NOL4L: variants seen among roughly 807,000 people sequenced by gnomAD.
The protein encoded by NOL4L is nucleolar protein 4 like.
In NOL4L, 7 loss-of-function variants were observed where a neutral mutation model predicts 64.5. That is an observed-to-expected ratio of 0.11 (90% CI 0.06 to 0.20). NOL4L has a LOEUF of 0.20. Among genes scored for constraint, NOL4L ranks in the 10% least tolerant of loss-of-function variants. The pLI is 1.00. For missense variants in NOL4L, 680 were observed against 967.1 expected (o/e 0.70, Z 3.94); for synonymous variants, 413 against 401.0 (o/e 1.03, Z -0.36).
intron 1 of NOL4L, among the ~76,000 whole-genome samples, chr20:32,563,336 G>A (rs1256848244): frequency 6.6e-6 from 1 of 150,556 alleles, no homozygotes; most frequent in East Asian, 2.0e-4. Context: ...GAGGGAGGGA[G>A]CGAGCCTCAC....
Position 32,447,067 on chromosome 20 carries a change from T to C in NOL4L, c.*529A>G. The C allele has an allele frequency of 2.6e-6, 1 of 378,674 alleles. No individual in the cohort carries two copies. The highest frequency in any genetic ancestry group is 2.0e-5 in the South Asian group (1 of 50,616). 23.5% of individuals were successfully genotyped at this position (378,674 alleles called of 1,614,324 possible). ...CTGGCCCCAGCCCACATCAGTGTAG[T>C]GATATGGAATGTTAGGTATGGGGAT... On this transcript the variant is annotated 3_prime_UTR_variant, in exon 11 of 11. Coordinates refer to ENST00000621426, the MANE Select transcript of NOL4L (RefSeq NM_001256798.2).
At chr20:32,573,389 A>G (rs1457849309) in intron 1 of NOL4L, among the ~76,000 whole-genome samples, 1 of 151,972 alleles carries the variant, frequency 6.6e-6, no homozygotes, top group Non-Finnish European at 1.5e-5. Context: ...CATTCAGCTC[A>G]TGAGTCACAG....
At chr20:32,520,438 C>G (rs1436355167) in intron 3 of NOL4L, among the ~76,000 whole-genome samples, 1 of 152,100 alleles carries the variant, frequency 6.6e-6, no homozygotes, top group Non-Finnish European at 1.5e-5. Context: ...AGGGAGGGTA[C>G]AGGCCAGACC....
intron 2 of NOL4L, among the ~76,000 whole-genome samples, chr20:32,523,201 T>C (rs7273033): frequency 3.2e-4 from 48 of 152,118 alleles, no homozygotes; most frequent in African/African-American, 1.1e-3. Context: ...CTGGGTCCCA[T>C]TGATGGGTGG....
intron 4 of NOL4L, among the ~76,000 whole-genome samples, chr20:32,481,112 A>G (rs1275029525): frequency 1.3e-5 from 2 of 152,138 alleles, no homozygotes; most frequent in Admixed American, 6.5e-5. Context: ...TCCCATCTAC[A>G]TGTGGTCCTC....
rs184688898 is a variant in NOL4L, at chr20:32,509,854, C to G, written c.699+1493G>C. ...GGGGCTGTGCTTCCGGCTGTTTGTG[C>G]GGTTTTGTGCTTCATTCTTCATGGG... On this transcript the variant is annotated intron_variant, in intron 4 of 10. Coordinates refer to ENST00000621426, the MANE Select transcript of NOL4L (RefSeq NM_001256798.2). 6.1e-6 allele frequency: 8 copies of G among 1,304,178 alleles called. No individual in the cohort carries two copies. In the South Asian group the frequency reaches 9.9e-5, roughly 16 times the overall value. The allele number at this position is 1,304,178 out of a possible 1,614,324, so 80.8% of individuals were successfully genotyped here.
chr20:32,545,950 C>CTTTT (rs11327665), intron 1 of NOL4L, among the ~76,000 whole-genome samples: 1 of 133,932 alleles, frequency 7.5e-6, no homozygotes, highest in Non-Finnish European at 1.6e-5. Flanking sequence ...TCTTTCTTTT[C>CTTTT]TTTTTTTTTT....
intron 4 of NOL4L, among the ~76,000 whole-genome samples, chr20:32,503,761 A>G (rs923237905): frequency 7.2e-5 from 11 of 152,218 alleles, no homozygotes; most frequent in South Asian, 2.1e-4. Context: ...CACCTCCCCA[A>G]TGGCAGACCT....
intron 5 of NOL4L, among the ~76,000 whole-genome samples, chr20:32,461,770 ATTACCTAT>A (rs1033618663): frequency 1.3e-5 from 2 of 149,078 alleles, no homozygotes; most frequent in Admixed American, 6.6e-5. Flanking sequence ...CTTGGAAGAA[ATTACCTAT>A]TTCTTCCAAG....
intron 2 of NOL4L, among the ~76,000 whole-genome samples, chr20:32,521,787 CAA>C (rs927590636): frequency 6.6e-6 from 1 of 152,206 alleles, no homozygotes; most frequent in African/African-American, 2.4e-5. Context: ...CTGGTGGGGC[CAA>C]AGAGTCCCTT....
intron 1 of NOL4L, among the ~76,000 whole-genome samples, chr20:32,551,963 A>T (rs1411570649): frequency 6.6e-6 from 1 of 151,136 alleles, no homozygotes; most frequent in African/African-American, 2.4e-5. Flanking sequence ...TAATTTTTTA[A>T]ATGTTTTGTA....
intron 1 of NOL4L, among the ~76,000 whole-genome samples, chr20:32,533,797 T>C (rs1568695379): frequency 6.6e-6 from 1 of 152,188 alleles, no homozygotes; most frequent in Non-Finnish European, 1.5e-5. Flanking sequence ...CTCAGATGGA[T>C]CTGAATGCTC....
At chr20:32,509,400 C>G (rs2017281260) in intron 4 of NOL4L, among the ~76,000 whole-genome samples, 1 of 151,460 alleles carries the variant, frequency 6.6e-6, no homozygotes, top group Admixed American at 6.6e-5. Flanking sequence ...TGCCTGTAAC[C>G]CCAGCTACTC....
chr20:32,536,722 T>G (rs1384843952), intron 1 of NOL4L, among the ~76,000 whole-genome samples: 1 of 144,690 alleles, frequency 6.9e-6, no homozygotes, highest in Non-Finnish European at 1.5e-5. Flanking sequence ...CAGCCTGACT[T>G]TCCATTCTCA....
Position 32,456,279 on chromosome 20 carries a change from C to T in NOL4L, c.958G>A (p.Ala320Thr), listed in dbSNP as rs948829128. Residue 320 changes from alanine (A) to threonine (T), a missense_variant, in exon 6 of 11, where the codon GCC (alanine) becomes ACC (threonine). Physicochemically the swap from Ala to Thr is moderately conservative, Grantham distance 58 (BLOSUM62 0). This residue lies in a region of NOL4L where 254 missense variants were observed against 238.7 expected (regional missense o/e 1.06). Coordinates refer to ENST00000621426, the MANE Select transcript of NOL4L (RefSeq NM_001256798.2). ...GCGGCCGTGGTGAAGTCCATGGGGG[C>T]CACGGCGCCGTTGCCATTCATCTCG... Reference protein sequence around the residue: ...FPEMNGNGAVAPMDFTTAAED... With the variant: ...FPEMNGNGAVTPMDFTTAAED... The T allele has an allele frequency of 1.3e-6, 2 of 1,587,518 alleles. No individual in the cohort carries two copies. The highest frequency in any genetic ancestry group is 4.7e-5 in the East Asian group (2 of 42,954).
chr20:32,523,362 G>T (rs2018012182), intron 2 of NOL4L, among the ~76,000 whole-genome samples: 1 of 152,194 alleles, frequency 6.6e-6, no homozygotes, highest in African/African-American at 2.4e-5. Flanking sequence ...GCCCAGCTCT[G>T]CACTGCCGTA....
intron 4 of NOL4L, chr20:32,483,354 C>T: frequency 1.0e-6 from 1 of 984,354 alleles, no homozygotes; most frequent in East Asian, 1.2e-4. Context: ...CCGGGCCGGA[C>T]TCCGTACCTG....
At position 32,584,900 on chromosome 20, in the gene NOL4L, G is replaced by A; in HGVS notation, c.-10C>T. On this transcript the variant is annotated 5_prime_UTR_variant, in exon 1 of 11. Coordinates refer to ENST00000621426, the MANE Select transcript of NOL4L (RefSeq NM_001256798.2). ...GCGTCGGCTTCGGCATCCTCCCGCC[G>A]CGCCCGGCGCCCTCGGGGGCGGGCC... 8.2e-7 allele frequency: 1 copy of A among 1,223,148 alleles called. No homozygotes were observed. Among genetic ancestry groups the A allele is most frequent in the Non-Finnish European group, 1.0e-6 (1 of 983,816 alleles). 75.8% of individuals were successfully genotyped at this position (1,223,148 alleles called of 1,614,324 possible).
At chr20:32,559,792 C>T (rs1406626092) in intron 1 of NOL4L, among the ~76,000 whole-genome samples, 1 of 152,222 alleles carries the variant, frequency 6.6e-6, no homozygotes. Context: ...AGCTGGCTGC[C>T]GCCCTCCTCC....
Sources: allele counts gnomAD v4.1 joint callset (sites outside exome capture counted in the v4.1 genomes callset), GRCh38; gene constraint gnomAD v4.1.1; regional missense constraint gnomAD v4.1.1; transcripts MANE v1.5; gene names NCBI Gene and HGNC (gene_info 2026-07-23, HGNC 2026-07-21).